The following TRAPPC10 variants were observed in gnomAD, a reference collection of about 807,000 sequenced individuals.
TRAPPC10 encodes TRAPP 130 kDa subunit.
In TRAPPC10, 23 loss-of-function variants were observed where a neutral mutation model predicts 125.5. The ratio of observed to expected loss-of-function variants is 0.18; its 90% CI spans 0.13 to 0.26. TRAPPC10 has a LOEUF of 0.26. TRAPPC10 is among the 10% of genes least tolerant of loss of function. The pLI is 1.00. For missense variants in TRAPPC10, 1,123 were observed against 1,308.4 expected, an observed-to-expected ratio of 0.86 and a Z score of 2.19; for synonymous variants, 509 against 518.0, an observed-to-expected ratio of 0.98 and a Z score of 0.24.
intron 1 of TRAPPC10, among the ~76,000 whole-genome samples, chr21:44,019,838 A>G (rs1186389421): frequency 1.3e-5 from 2 of 152,130 alleles, no homozygotes; most frequent in Non-Finnish European, 2.9e-5. Context: ...TTGGTTTTAG[A>G]CAGCTGCGTC....
chr21:44,031,616 T>C (rs926996136), intron 1 of TRAPPC10, among the ~76,000 whole-genome samples: 1 of 152,216 alleles, frequency 6.6e-6, no homozygotes, highest in Non-Finnish European at 1.5e-5. Flanking sequence ...GCAGGTGCCT[T>C]GTGTAATATT....
rs376301809 is a variant in TRAPPC10 at position 44,041,489 on chromosome 21, G to T, written c.285+3562G>T. On this transcript the variant is annotated intron_variant, in intron 3 of 22. Coordinates refer to ENST00000291574, the MANE Select transcript of TRAPPC10 (RefSeq NM_003274.5). ...CCTCTTGGGTTCAAGTGGTTCTCCT[G>T]CCTCAGCCTCCCGAGTAGCTGGGAT... Among the ~76,000 whole-genome samples, 62 of 152,018 alleles carry T rather than the reference G, an allele frequency of 4.1e-4. 1 individual carries two copies. The highest frequency in any genetic ancestry group is 1.4e-3 in the African/African-American group (60 of 41,462).
chr21:44,028,125 AAG>A (rs1454628995), intron 1 of TRAPPC10, among the ~76,000 whole-genome samples: 1 of 152,234 alleles, frequency 6.6e-6, no homozygotes, highest in East Asian at 1.9e-4. Flanking sequence ...TTGAACATAA[AAG>A]GTTTTAAATT....
chr21:44,093,884 G>T (rs958325688), intron 19 of TRAPPC10, among the ~76,000 whole-genome samples, 179 bp from the exon 20 acceptor site: 1 of 152,226 alleles, frequency 6.6e-6, no homozygotes, highest in African/African-American at 2.4e-5. Context: ...GGCAAAGGGA[G>T]TCAGGGCAGG....
Position 44,024,803 on chromosome 21 carries a change from C to A in TRAPPC10, c.68-7288C>A, listed in dbSNP as rs181247027. 1.2e-4 allele frequency among the ~76,000 whole-genome samples: 18 copies of A among 152,238 alleles called. No individual in the cohort carries two copies. In the East Asian group the frequency reaches 3.3e-3, roughly 28 times the overall value. Reference sequence around the variant, plus strand: ...ACAAAATGAGGTCTATTTAAAGAAGCCTTGTGTATGTTCTGTCCTCTCCAT... The same window carrying A: ...ACAAAATGAGGTCTATTTAAAGAAGACTTGTGTATGTTCTGTCCTCTCCAT... On this transcript the variant is annotated intron_variant, in intron 1 of 22. Transcript: ENST00000291574.
At chr21:44,066,104 G>A (rs1319247577) in intron 7 of TRAPPC10, among the ~76,000 whole-genome samples, 1 of 152,192 alleles carries the variant, frequency 6.6e-6, no homozygotes, top group Non-Finnish European at 1.5e-5. Context: ...GGGGGTAGGT[G>A]TGCCACTGTC....
intron 3 of TRAPPC10, among the ~76,000 whole-genome samples, chr21:44,039,257 C>G (rs921881774): frequency 9.9e-5 from 15 of 152,232 alleles, no homozygotes; most frequent in African/African-American, 3.6e-4. Context: ...AGCCCGTCCC[C>G]TATTCTGGGG....
intron 1 of TRAPPC10, among the ~76,000 whole-genome samples, chr21:44,030,155 C>T (rs982236115): frequency 7.9e-5 from 12 of 152,134 alleles, no homozygotes; most frequent in African/African-American, 2.9e-4. Context: ...GTGTTGGAGG[C>T]AGTTCCACTT....
At chr21:44,029,788 G>C (rs553313339) in intron 1 of TRAPPC10, among the ~76,000 whole-genome samples, 20 of 152,280 alleles carry the variant, frequency 1.3e-4, no homozygotes, top group African/African-American at 4.8e-4. Context: ...AGTTGGATTA[G>C]GGCCCATCCT....
intron 1 of TRAPPC10, among the ~76,000 whole-genome samples, chr21:44,024,653 A>G (rs909991403): frequency 4.6e-5 from 7 of 152,144 alleles, no homozygotes; most frequent in Non-Finnish European, 8.8e-5. Context: ...AGATTATACC[A>G]CTAAATGTAT....
chr21:44,035,830 A>AT (rs1485329004), intron 2 of TRAPPC10, among the ~76,000 whole-genome samples: 1 of 152,234 alleles, frequency 6.6e-6, no homozygotes, highest in East Asian at 1.9e-4. Context: ...AAAAGTAGAA[A>AT]TTTAAAATTA....
chr21:44,101,021 T>TGCCA (rs1470007077), intron 21 of TRAPPC10, among the ~76,000 whole-genome samples: 1 of 71,608 alleles, frequency 1.4e-5, no homozygotes, highest in Admixed American at 1.5e-4. Flanking sequence ...CTGGGCGTGG[T>TGCCA]GGCAGGCGCC....
intron 2 of TRAPPC10, among the ~76,000 whole-genome samples, chr21:44,034,692 A>G (rs1730551816): frequency 6.6e-6 from 1 of 152,230 alleles, no homozygotes; most frequent in Non-Finnish European, 1.5e-5. Context: ...CTTCGCAGAT[A>G]TGGTTAAGAT....
intron 5 of TRAPPC10, among the ~76,000 whole-genome samples, chr21:44,057,825 G>A (rs777260886): frequency 4.6e-5 from 7 of 152,188 alleles, no homozygotes; most frequent in African/African-American, 1.2e-4. Context: ...GGACCTGGGT[G>A]GGCCCTTAGG....
intron 10 of TRAPPC10, among the ~76,000 whole-genome samples, chr21:44,077,155 T>G (rs2037347546): frequency 6.6e-6 from 1 of 152,232 alleles, no homozygotes; most frequent in Non-Finnish European, 1.5e-5. Context: ...TTGGAAAAGT[T>G]AGATGTTTTG....
At chr21:44,094,008 G>A (rs1445692346) in intron 19 of TRAPPC10, 55 bp from the exon 20 acceptor site, 5 of 1,560,242 alleles carry the variant, frequency 3.2e-6, no homozygotes, top group Admixed American at 1.8e-5. Context: ...CAGTGTCTGT[G>A]TCCTCTTTGC....
At chr21:44,078,229 A>G (rs144947563) in intron 11 of TRAPPC10, among the ~76,000 whole-genome samples, 43 of 152,238 alleles carry the variant, frequency 2.8e-4, no homozygotes, top group African/African-American at 1.0e-3. Context: ...GGATGACTGG[A>G]AGAAGGTGTG....
At chr21:44,043,173 C>T (rs1034226947) in intron 3 of TRAPPC10, among the ~76,000 whole-genome samples, 1 of 144,656 alleles carries the variant, frequency 6.9e-6, no homozygotes, top group African/African-American at 2.6e-5. Context: ...TGATCATTGT[C>T]TATCCTGTGC....
chr21:44,012,991 G>T (rs977294085), intron 1 of TRAPPC10, among the ~76,000 whole-genome samples: 2 of 152,214 alleles, frequency 1.3e-5, no homozygotes, highest in Admixed American at 1.3e-4. Context: ...GTCCTTGGGG[G>T]CTCGCAGAGT....
Sources: allele counts gnomAD v4.1 joint callset (sites outside exome capture counted in the v4.1 genomes callset), GRCh38; gene constraint gnomAD v4.1.1; transcripts MANE v1.5; gene names NCBI Gene and HGNC (gene_info 2026-07-23, HGNC 2026-07-21).